The following TMTC2 variants were observed in gnomAD, a reference collection of about 807,000 sequenced individuals.
TMTC2 encodes the protein protein O-mannosyl-transferase TMTC2.
A neutral mutation model predicts 82.4 loss-of-function variants in TMTC2; 43 were observed. The ratio of observed to expected loss-of-function variants is 0.52; its 90% CI spans 0.41 to 0.67. The LOEUF (loss-of-function observed/expected upper bound fraction) is 0.67. Among genes scored for constraint, TMTC2 ranks in the 30% least tolerant of loss-of-function variants. The pLI is 0.00. For synonymous variants in TMTC2, 408 were observed against 381.9 expected, an observed-to-expected ratio of 1.07 and a Z score of -0.80; for missense variants, 919 against 1,012.4, an observed-to-expected ratio of 0.91 and a Z score of 1.25.
chr12:83,044,534 C>A (rs542392501), intron 9 of TMTC2, among the ~76,000 whole-genome samples: 148 of 152,264 alleles, frequency 9.7e-4, no homozygotes, highest in African/African-American at 3.3e-3. Context: ...TGAGAACACC[C>A]TCTGGATAGA....
intron 9 of TMTC2, among the ~76,000 whole-genome samples, chr12:83,038,143 G>C (rs1401100291): frequency 1.7e-5 from 2 of 119,134 alleles, no homozygotes; most frequent in African/African-American, 3.2e-5. Flanking sequence ...GCTGTGGGGT[G>C]GGGGGAGGGG....
rs7980168 is a variant in TMTC2 at position 82,744,886 on chromosome 12, A to G, written c.83+57217A>G. 5.3e-3 allele frequency among the ~76,000 whole-genome samples: 808 copies of G among 152,314 alleles called. 7 individuals are homozygous for G. Among genetic ancestry groups the G allele is most frequent in the African/African-American group, 0.019 (775 of 41,566 alleles). On this transcript the variant is annotated intron_variant, in intron 1 of 11. Transcript: ENST00000321196. ...CAGTCTGAAAAAGCCCTCTACATGTATCTTTCAGAAAATAACTTTTCAAGT... is the reference window on the plus strand; with the variant it reads ...CAGTCTGAAAAAGCCCTCTACATGTGTCTTTCAGAAAATAACTTTTCAAGT...
chr12:83,034,992 T>C (rs1480109353), intron 9 of TMTC2, among the ~76,000 whole-genome samples: 2 of 152,210 alleles, frequency 1.3e-5, no homozygotes, highest in Non-Finnish European at 2.9e-5. Flanking sequence ...TAAAAATAAA[T>C]GTTTAAATGA....
intron 4 of TMTC2, among the ~76,000 whole-genome samples, chr12:82,946,944 G>C (rs1007271855): frequency 2.0e-5 from 3 of 151,992 alleles, no homozygotes; most frequent in African/African-American, 7.3e-5. Context: ...GGGTTTCGCA[G>C]TGTTAGCCAA....
chr12:82,743,322 T>C (rs969421930), intron 1 of TMTC2, among the ~76,000 whole-genome samples: 1 of 151,738 alleles, frequency 6.6e-6, no homozygotes, highest in South Asian at 2.1e-4. Flanking sequence ...GTTCCTGTAA[T>C]CATAGCTACT....
chr12:82,687,891 T>A (rs1872403279), intron 1 of TMTC2, among the ~76,000 whole-genome samples: 2 of 152,194 alleles, frequency 1.3e-5, no homozygotes, highest in East Asian at 1.9e-4. Context: ...GCAGGTTCTC[T>A]CCCTTGCTTC....
intron 4 of TMTC2, among the ~76,000 whole-genome samples, chr12:82,941,289 G>T (rs756056011): frequency 3.3e-5 from 5 of 152,068 alleles, no homozygotes; most frequent in Non-Finnish European, 4.4e-5. Context: ...GGGACTATAG[G>T]CACATGACAC....
chr12:82,695,219 T>A (rs960900322), intron 1 of TMTC2, among the ~76,000 whole-genome samples: 8 of 152,234 alleles, frequency 5.3e-5, no homozygotes, highest in Admixed American at 4.6e-4. Flanking sequence ...GGTTATTAAT[T>A]TGAAGTGCAG....
chr12:83,055,789 A>T (rs960922468), intron 10 of TMTC2, among the ~76,000 whole-genome samples: 3 of 151,572 alleles, frequency 2.0e-5, no homozygotes, highest in African/African-American at 4.8e-5. Context: ...CATTTGTTCA[A>T]ACATCTTCTG....
chr12:82,856,774 A>T (rs1431523798), intron 1 of TMTC2, among the ~76,000 whole-genome samples: 1 of 152,144 alleles, frequency 6.6e-6, no homozygotes, highest in Non-Finnish European at 1.5e-5. Context: ...TTTATTCTTC[A>T]AAGATACTTG....
intron 4 of TMTC2, among the ~76,000 whole-genome samples, chr12:82,962,201 G>A (rs10862530): frequency 0.63 from 95,669 of 151,786 alleles, 31,844 homozygotes; most frequent in South Asian, 0.81. Context: ...ATCAGCATTG[G>A]AATCCCAGGA....
chr12:82,761,886 C>CTT (rs1341887424), intron 1 of TMTC2, among the ~76,000 whole-genome samples: 14 of 149,274 alleles, frequency 9.4e-5, no homozygotes, highest in Non-Finnish European at 1.8e-4. Context: ...TTCTTTCTTT[C>CTT]TCTCTCTTTC....
chr12:82,710,016 T>C (rs1466655462), intron 1 of TMTC2, among the ~76,000 whole-genome samples: 1 of 152,044 alleles, frequency 6.6e-6, no homozygotes, highest in Admixed American at 6.6e-5. Context: ...AAAGATATGG[T>C]GATATGTGAA....
At chr12:82,962,581 T>C (rs1218834032) in intron 4 of TMTC2, among the ~76,000 whole-genome samples, 2 of 152,166 alleles carry the variant, frequency 1.3e-5, no homozygotes, top group Non-Finnish European at 2.9e-5. Flanking sequence ...TTTTTCCCTA[T>C]TTTATTTATT....
intron 4 of TMTC2, among the ~76,000 whole-genome samples, chr12:82,950,082 T>G (rs1405687252): frequency 6.6e-6 from 1 of 152,198 alleles, no homozygotes; most frequent in Non-Finnish European, 1.5e-5. Flanking sequence ...GTATTAATAC[T>G]AAGCTAAAAG....
At chr12:82,968,690 A>C (rs1878324266) in intron 7 of TMTC2, among the ~76,000 whole-genome samples, 1 of 152,168 alleles carries the variant, frequency 6.6e-6, no homozygotes, top group African/African-American at 2.4e-5. Context: ...TCAGAAATTC[A>C]TTCAATTATT....
chr12:83,101,013 C>T (rs1415486315), intron 11 of TMTC2, among the ~76,000 whole-genome samples: 1 of 152,112 alleles, frequency 6.6e-6, no homozygotes, highest in East Asian at 1.9e-4. Flanking sequence ...CAGCAGCTAG[C>T]TATAAACAAT....
Position 82,941,271 on chromosome 12 carries a change from C to T in TMTC2, c.1598+10726C>T, listed in dbSNP as rs140552557. 4.2e-3 allele frequency among the ~76,000 whole-genome samples: 642 copies of T among 152,124 alleles called. 10 individuals are homozygous for T. The highest frequency in any genetic ancestry group is 0.012 in the Admixed American group (186 of 15,284). On this transcript the variant is annotated intron_variant, in intron 4 of 11. Coordinates refer to ENST00000321196, the MANE Select transcript of TMTC2 (RefSeq NM_152588.3). The stretch of plus-strand genomic sequence containing the variant: ...AGTGATCTTCCTGCCTCAGCCTCCC[C>T]AGTAGCTGGGACTATAGGCACATGA...
At chr12:82,819,620 GC>G (rs954562674) in intron 1 of TMTC2, among the ~76,000 whole-genome samples, 3 of 150,444 alleles carry the variant, frequency 2.0e-5, no homozygotes, top group African/African-American at 7.4e-5. Flanking sequence ...TCCTGCCTCA[GC>G]CTCTTTAGTA....
Sources: gnomAD v4.1 joint callset for allele counts (sites outside exome capture counted in the v4.1 genomes callset) on GRCh38, gnomAD v4.1.1 for gene constraint, MANE v1.5 for transcripts, NCBI Gene and HGNC (gene_info 2026-07-23, HGNC 2026-07-21) for gene names.